The following NIBAN2 variants were observed in gnomAD, a reference collection of about 807,000 sequenced individuals.
NIBAN2 encodes protein Niban 2.
Under a neutral mutation model 81.8 loss-of-function variants are expected in NIBAN2, and 36 were observed. The ratio of observed to expected loss-of-function variants is 0.44; its 90% CI spans 0.34 to 0.58. The LOEUF is 0.58. Among genes scored for constraint, NIBAN2 ranks in the 20% least tolerant of loss-of-function variants. The pLI is 0.02. For missense variants in NIBAN2, 897 were observed against 1,014.1 expected, an observed-to-expected ratio of 0.88 and a Z score of 1.57; for synonymous variants, 445 against 441.6, an observed-to-expected ratio of 1.01 and a Z score of -0.10.
chr9:127,531,063 C>T (rs1337953006), intron 2 of NIBAN2, among the ~76,000 whole-genome samples: 1 of 151,682 alleles, frequency 6.6e-6, no homozygotes, highest in African/African-American at 2.4e-5. Flanking sequence ...ACCTGTAGTC[C>T]CAGTAACTGG....
intron 1 of NIBAN2, among the ~76,000 whole-genome samples, chr9:127,568,347 C>T (rs919355871): frequency 6.6e-6 from 1 of 152,204 alleles, no homozygotes; most frequent in African/African-American, 2.4e-5. Context: ...AGGAAGCCTC[C>T]GCCACGTGTA....
intron 1 of NIBAN2, among the ~76,000 whole-genome samples, chr9:127,538,223 C>T (rs4837161): frequency 0.14 from 20,786 of 152,114 alleles, 1,724 homozygotes; most frequent in Admixed American, 0.28. Flanking sequence ...TGCATCCTAT[C>T]GGGTTATTGA....
At chr9:127,571,045 G>A (rs1564323585), upstream of NIBAN2, among the ~76,000 whole-genome samples, 1 of 152,236 alleles carries the variant, frequency 6.6e-6, no homozygotes. Context: ...GGTCTGTTCT[G>A]CCCAGGGAGG....
At position 127,508,158 on chromosome 9, in the gene NIBAN2, G is replaced by A. The variant is rs1836649828; in HGVS notation, c.1477C>T (p.Arg493Trp). ...DSSSVRKRFF[R>W]EALLQISIPF... ...ATGCTGATCTGCAGCAGCGCCTCCC[G>A]GAAGAACCTCTTCCGCACAGAGCTG... The change falls in exon 12 of 14, where the codon CGG becomes TGG. Residue 493 changes from arginine to tryptophan, a missense_variant. This residue lies in a region of NIBAN2 where 619 missense variants were observed against 691.0 expected (regional missense o/e 0.90). Transcript: ENST00000373312. The surrounding 1 kb of genome is among the most constrained non-coding windows in gnomAD (Gnocchi z 6.4). 5.0e-6 allele frequency: 8 copies of A among 1,613,622 alleles called. No homozygotes were observed. Among genetic ancestry groups the A allele is most frequent in the Middle Eastern group, 1.6e-4 (1 of 6,062 alleles).
chr9:127,540,156 C>T (rs989010684), intron 1 of NIBAN2, among the ~76,000 whole-genome samples: 1 of 152,134 alleles, frequency 6.6e-6, no homozygotes, highest in Non-Finnish European at 1.5e-5. Flanking sequence ...CCAAGGCGGC[C>T]GGAACGTTAA....
At chr9:127,521,293 C>T (rs911397112) in intron 5 of NIBAN2, among the ~76,000 whole-genome samples, 1 of 152,192 alleles carries the variant, frequency 6.6e-6, no homozygotes, top group Non-Finnish European at 1.5e-5. Context: ...GGGGCTTGAA[C>T]CCAGGACCAG....
In NIBAN2 at chr9:127,545,531, G is replaced by A. The variant is rs554360260; in HGVS notation, c.56-13753C>T. Among the ~76,000 whole-genome samples the A allele has an allele frequency of 2.0e-4, 31 of 152,332 alleles. No homozygotes were observed. Among genetic ancestry groups the A allele is most frequent in the South Asian group, 1.2e-3 (6 of 4,828 alleles). ...GGGACTCAGTCTGAGGGCACAGGCC[G>A]TCTGGGTCTCATCACAGAGGCAGGT... On this transcript the variant is annotated intron_variant, in intron 1 of 13. Coordinates refer to ENST00000373312, the MANE Select transcript of NIBAN2 (RefSeq NM_022833.4). This position sits in a 1 kb window ranked among gnomAD's most constrained non-coding sequence, Gnocchi z 4.7.
At chr9:127,566,479 C>A (rs574974026) in intron 1 of NIBAN2, among the ~76,000 whole-genome samples, 11 of 152,260 alleles carry the variant, frequency 7.2e-5, no homozygotes, top group Non-Finnish European at 1.5e-5. Flanking sequence ...CTTTGAAATC[C>A]CAGGATGAAA....
Position 127,525,174 on chromosome 9 carries a change from C to A in NIBAN2, c.316-11G>T. ...CTGCCGCTCATAGGCCTGAGGGAGGCAAGAGAGAGGGTCCCTGAGGGTTAA... is the reference window on the plus strand; with the variant it reads ...CTGCCGCTCATAGGCCTGAGGGAGGAAAGAGAGAGGGTCCCTGAGGGTTAA... On this transcript the variant is annotated splice_polypyrimidine_tract_variant and intron_variant, in intron 3 of 13. Transcript: ENST00000373312. The A allele has an allele frequency of 2.5e-6, 4 of 1,609,618 alleles. No homozygotes were observed. The highest frequency in any genetic ancestry group is 2.6e-6 in the Non-Finnish European group (3 of 1,176,168).
intron 1 of NIBAN2, chr9:127,578,918 T>A (rs1445151669): frequency 6.2e-7 from 1 of 1,611,238 alleles, no homozygotes; most frequent in African/African-American, 1.3e-5. Flanking sequence ...TGCACAAGTC[T>A]TACCTCCCAT....
upstream of NIBAN2, among the ~76,000 whole-genome samples, chr9:127,570,474 A>G (rs1296101416): frequency 6.6e-6 from 1 of 152,144 alleles, no homozygotes; most frequent in Non-Finnish European, 1.5e-5. Flanking sequence ...TCATCTGTCA[A>G]AAGAGAATGA....
rs370872769 is a variant in NIBAN2, at chr9:127,508,051, A to G, written c.1542+42T>C. ...GGGAGGCCTGTGGGCTCCATCCCCC[A>G]ACTTAGGGCCCAAACGGCTGGAGCA... On this transcript the variant is annotated intron_variant, in intron 12 of 13. Transcript: ENST00000373312. The surrounding 1 kb of genome is among the most constrained non-coding windows in gnomAD (Gnocchi z 6.4). 1.2e-6 allele frequency: 2 copies of G among 1,611,062 alleles called. No homozygotes were observed. Among genetic ancestry groups the G allele is most frequent in the African/African-American group, 2.7e-5 (2 of 74,868 alleles).
chr9:127,521,030 C>G (rs1836931593), intron 5 of NIBAN2, among the ~76,000 whole-genome samples: 1 of 152,198 alleles, frequency 6.6e-6, no homozygotes, highest in Non-Finnish European at 1.5e-5. Flanking sequence ...CTCGGAGAAA[C>G]CAGCCCTGCT....
chr9:127,534,005 G>C (rs1383943942), intron 1 of NIBAN2, among the ~76,000 whole-genome samples: 1 of 152,234 alleles, frequency 6.6e-6, no homozygotes, highest in Non-Finnish European at 1.5e-5. Flanking sequence ...TGTGCTCCTG[G>C]GTGCCCCCAT....
intron 1 of NIBAN2, among the ~76,000 whole-genome samples, chr9:127,551,438 G>A (rs1414565116): frequency 3.3e-5 from 5 of 152,074 alleles, no homozygotes; most frequent in Non-Finnish European, 1.5e-5. Flanking sequence ...CACGAGAATC[G>A]CTTGAACCCA....
intron 8 of NIBAN2, among the ~76,000 whole-genome samples, chr9:127,515,394 G>A (rs1327929634): frequency 9.2e-5 from 14 of 151,904 alleles, no homozygotes; most frequent in South Asian, 6.3e-4. Context: ...GGTGGCGGGC[G>A]CCTGTAGTCC....
intron 5 of NIBAN2, among the ~76,000 whole-genome samples, chr9:127,521,483 C>T (rs1296272861): frequency 2.0e-5 from 3 of 152,184 alleles, no homozygotes; most frequent in African/African-American, 7.2e-5. Flanking sequence ...CCCAGCTGCT[C>T]CAGGAATGCA....
Position 127,510,177 on chromosome 9 carries a change from A to T in NIBAN2, c.1130T>A (p.Ile377Asn), listed in dbSNP as rs1836707559. The T allele has an allele frequency of 6.2e-7, 1 of 1,613,416 alleles. No homozygotes were observed. The highest frequency in any genetic ancestry group is 2.2e-5 in the East Asian group (1 of 44,844). ...KEVTDMNLNV[I>N]NEGGIDKLGE... ...CAGCTTGTCAATGCCGCCCTCGTTG[A>T]TGACGTTCAGGTTCATGTCCGTGAC... Residue 377 changes from isoleucine (I) to asparagine (N), a missense_variant, in exon 9 of 14, where the codon ATC becomes AAC. Ile to Asn is a moderately radical substitution (Grantham distance 149). Around this residue, in one of 3 missense-constraint regions of NIBAN2, gnomAD observed 619 missense variants for 691.0 expected, o/e 0.90. Coordinates refer to ENST00000373312, the MANE Select transcript of NIBAN2 (RefSeq NM_022833.4).
At chr9:127,569,906 C>T (rs1017927651), upstream of NIBAN2, among the ~76,000 whole-genome samples, 1 of 152,182 alleles carries the variant, frequency 6.6e-6, no homozygotes, top group Non-Finnish European at 1.5e-5. Context: ...AATCAAAACC[C>T]GGAGACCGAC....
Sources: gnomAD v4.1 joint callset for allele counts (sites outside exome capture counted in the v4.1 genomes callset) on GRCh38, gnomAD v4.1.1 for gene constraint, gnomAD v4.1.1 regional missense constraint, Gnocchi (gnomAD v3.1) non-coding constraint, MANE v1.5 for transcripts, NCBI Gene and HGNC (gene_info 2026-07-23, HGNC 2026-07-21) for gene names.